The following SMN1 variants were observed in gnomAD, a reference collection of about 807,000 sequenced individuals.
SMN1 encodes survival motor neuron protein.
For synonymous variants in SMN1, 3 were observed against 5.1 expected (o/e 0.58, Z 0.56); for missense variants, 15 against 17.1 (o/e 0.88, Z 0.22).
At chr5:70,954,903 C>CAAAA, downstream of SMN1, among the ~76,000 whole-genome samples, 1 of 14,120 alleles carries the variant, frequency 7.1e-5, no homozygotes, top group Non-Finnish European at 1.1e-4. Context: ...AAAAAAAAAA[C>CAAAA]AAAACACGTT....
At chr5:70,955,672 C>T (rs137941972), downstream of SMN1, among the ~76,000 whole-genome samples, 8,292 of 146,636 alleles carry the variant, frequency 0.057, 154 homozygotes, top group African/African-American at 0.2. Flanking sequence ...GTAATCCCAG[C>T]TACTGGAGAG....
At chr5:70,959,532 G>A in the SMN1 span, among the ~76,000 whole-genome samples, 1 of 106,368 alleles carries the variant, frequency 9.4e-6, no homozygotes, top group African/African-American at 3.2e-5. Flanking sequence ...TTGTGGATGA[G>A]AGTTTAATTT....
chr5:70,958,734 C>G (rs967240908), downstream of SMN1, among the ~76,000 whole-genome samples: 155 of 143,542 alleles, frequency 1.1e-3, 8 homozygotes, highest in African/African-American at 3.6e-3. Context: ...TTACTTCCAA[C>G]TATGTGGTCA....
At chr5:70,960,776 ACCT>A in the SMN1 span, among the ~76,000 whole-genome samples, 21 of 144,434 alleles carry the variant, frequency 1.5e-4, 1 homozygote, top group Non-Finnish European at 2.9e-4. Context: ...GCTCACTGCA[ACCT>A]CCTCCTCCCG....
intron 7 of SMN1, 74 bp from the exon 8 acceptor site, chr5:70,951,867 A>G (rs1431938001): frequency 8.1e-7 from 1 of 1,239,132 alleles, no homozygotes; most frequent in Non-Finnish European, 1.2e-6. Context: ...TTTAACATCC[A>G]TATAAAGCTA....
chr5:70,952,280 AC>A, intron 8 of SMN1, 158 bp from the exon 9 acceptor site: 10 of 1,408,666 alleles, frequency 7.1e-6, no homozygotes, highest in Non-Finnish European at 8.4e-6. Flanking sequence ...TAGTAGGCAG[AC>A]CAGCAGACTT....
intron 8 of SMN1, 71 bp downstream of exon 8, chr5:70,952,065 T>G: frequency 6.2e-7 from 1 of 1,604,984 alleles, no homozygotes; most frequent in Non-Finnish European, 8.5e-7. Flanking sequence ...AAACAAATGT[T>G]TTTGAACATT....
At chr5:70,959,543 G>T in the SMN1 span, among the ~76,000 whole-genome samples, 1 of 99,054 alleles carries the variant, frequency 1.0e-5, no homozygotes, top group Non-Finnish European at 2.1e-5. Context: ...AGTTTAATTT[G>T]TTTCTAATCA....
chr5:70,952,208 T>A, intron 8 of SMN1: 3 of 1,500,722 alleles, frequency 2.0e-6, no homozygotes, highest in Non-Finnish European at 1.8e-6. Context: ...ACTGGTTGGT[T>A]ATGTGGAAGA....
At chr5:70,959,157 C>G in the SMN1 span, among the ~76,000 whole-genome samples, 2 of 145,638 alleles carry the variant, frequency 1.4e-5, no homozygotes, top group South Asian at 2.2e-4. Flanking sequence ...ATCGCAAGGA[C>G]AAAAAACCAA....
At chr5:70,951,527 G>A (rs1408630489) in intron 7 of SMN1, among the ~76,000 whole-genome samples, 1 of 150,346 alleles carries the variant, frequency 6.7e-6, no homozygotes, top group African/African-American at 2.4e-5. Context: ...CAACTGTCTC[G>A]GCCTCCCAAA....
intron 7 of SMN1, 60 bp from the exon 8 acceptor site, chr5:70,951,881 A>G (rs887338791): frequency 9.6e-6 from 14 of 1,453,344 alleles, no homozygotes; most frequent in East Asian, 4.6e-5. Context: ...AAAGCTATCT[A>G]TATATAGCTA....
chr5:70,928,300 C>CAAAA (rs1255859772), intron 1 of SMN1, among the ~76,000 whole-genome samples: 1 of 9,090 alleles, frequency 1.1e-4, no homozygotes, highest in Non-Finnish European at 1.5e-4. Context: ...GACTCTGCCT[C>CAAAA]AAAAAAAAAA....
chr5:70,955,637 TAGCTC>T (rs1415817659), downstream of SMN1, among the ~76,000 whole-genome samples: 53 of 145,008 alleles, frequency 3.7e-4, 1 homozygote, highest in African/African-American at 1.3e-3. Context: ...AAAAAAAAAT[TAGCTC>T]GGCATGGTGG....
At chr5:70,943,768 A>G (rs1279321217) in intron 5 of SMN1, among the ~76,000 whole-genome samples, 3 of 140,400 alleles carry the variant, frequency 2.1e-5, no homozygotes, top group African/African-American at 5.0e-5. Flanking sequence ...GATTTCTTCC[A>G]TGGAGGGAAT....
At chr5:70,958,640 T>C (rs796666912), downstream of SMN1, among the ~76,000 whole-genome samples, 4 of 115,390 alleles carry the variant, frequency 3.5e-5, no homozygotes, top group East Asian at 1.0e-3. Context: ...GAGTTTCTTA[T>C]TCCTGAGTTC....
chr5:70,963,301 AAT>A, the SMN1 span, among the ~76,000 whole-genome samples: 1 of 16,058 alleles, frequency 6.2e-5, no homozygotes, highest in African/African-American at 1.4e-4. Context: ...ATACACATAT[AAT>A]ATGTGTGTGT....
At chr5:70,950,360 T>C (rs1362539518) in intron 7 of SMN1, among the ~76,000 whole-genome samples, 3 of 146,706 alleles carry the variant, frequency 2.0e-5, no homozygotes, top group Non-Finnish European at 4.5e-5. Flanking sequence ...GAGGTTGCGG[T>C]GAGCCAAGAT....
rs780152467 is a variant in SMN1 at position 70,951,901 on chromosome 5, A to T, written c.835-40A>T. On this transcript the variant is annotated intron_variant, in intron 7 of 8. Coordinates refer to ENST00000380707, the MANE Select transcript of SMN1 (RefSeq NM_000344.4). ...TATCTATATATAGCTATCTATGTCT[A>T]TATAGCTATTTTTTTTAACTTCCTT... The T allele has an allele frequency of 1.9e-6, 3 of 1,576,516 alleles. No homozygotes were observed. In the South Asian group the frequency reaches 3.3e-5, roughly 17 times the overall value.
Sources: gnomAD v4.1 joint callset for allele counts (sites outside exome capture counted in the v4.1 genomes callset) on GRCh38, gnomAD v4.1.1 for gene constraint, MANE v1.5 for transcripts, NCBI Gene and HGNC (gene_info 2026-07-23, HGNC 2026-07-21) for gene names.